The following ZNF804B variants were observed in gnomAD, a reference collection of about 807,000 sequenced individuals.
ZNF804B encodes the protein zinc finger 804B.
A neutral mutation model predicts 101.4 loss-of-function variants in ZNF804B; 80 were observed. That is an observed-to-expected ratio of 0.79 (90% CI 0.66 to 0.95). The LOEUF is 0.95. ZNF804B is among the 40% of genes least tolerant of loss of function. The probability of loss-of-function intolerance (pLI) is 0.00; values close to 1 mark genes in which losing one functional copy is unlikely to be tolerated. For synonymous variants in ZNF804B, 622 were observed against 558.8 expected (o/e 1.11, Z -1.59); for missense variants, 1,673 against 1,561.9 (o/e 1.07, Z -1.20).
At chr7:89,270,195 T>C (rs1265283541) in intron 2 of ZNF804B, among the ~76,000 whole-genome samples, 2 of 152,216 alleles carry the variant, frequency 1.3e-5, no homozygotes, top group African/African-American at 2.4e-5. Context: ...TGTATGGTTT[T>C]AGGTCTAAAC....
intron 1 of ZNF804B, among the ~76,000 whole-genome samples, chr7:88,782,066 T>C (rs1188541926): frequency 6.6e-6 from 1 of 151,730 alleles, no homozygotes; most frequent in African/African-American, 2.4e-5. Flanking sequence ...CTACACCAAT[T>C]TGTAAGTAGT....
At chr7:88,793,358 A>G (rs916732358) in intron 1 of ZNF804B, among the ~76,000 whole-genome samples, 5 of 152,146 alleles carry the variant, frequency 3.3e-5, no homozygotes, top group Non-Finnish European at 7.4e-5. Context: ...GTAAGTGTTA[A>G]TAGTGGGCAG....
At chr7:88,818,351 AATAAC>A (rs1790918140) in intron 1 of ZNF804B, among the ~76,000 whole-genome samples, 1 of 152,184 alleles carries the variant, frequency 6.6e-6, no homozygotes, top group Non-Finnish European at 1.5e-5. Context: ...TAATTAAATA[AATAAC>A]ATATAGCCAA....
chr7:89,321,086 A>G (rs1203566561), intron 2 of ZNF804B, among the ~76,000 whole-genome samples: 1 of 152,228 alleles, frequency 6.6e-6, no homozygotes, highest in African/African-American at 2.4e-5. Flanking sequence ...AATGAAGTAT[A>G]TGACACCAAA....
intron 1 of ZNF804B, among the ~76,000 whole-genome samples, chr7:89,189,156 A>G (rs914608233): frequency 6.6e-6 from 1 of 152,200 alleles, no homozygotes; most frequent in Non-Finnish European, 1.5e-5. Context: ...TGCTAAATCT[A>G]TTCTGACTGT....
At chr7:89,163,284 G>C (rs1036710463) in intron 1 of ZNF804B, among the ~76,000 whole-genome samples, 1 of 152,090 alleles carries the variant, frequency 6.6e-6, no homozygotes, top group Non-Finnish European at 1.5e-5. Context: ...ACCAAAATAA[G>C]AGCTTCATGT....
At position 89,138,087 on chromosome 7, in the gene ZNF804B, T is replaced by G. The variant is rs192216816; in HGVS notation, c.109-80068T>G. 1.1e-4 allele frequency among the ~76,000 whole-genome samples: 16 copies of G among 152,224 alleles called. No individual in the cohort carries two copies. In the East Asian group the frequency reaches 2.9e-3, roughly 28 times the overall value. The stretch of plus-strand genomic sequence containing the variant: ...AAAATTGAGGTTTGGGAACCTCTGC[T>G]TAGATTTCAGAGGATGTATGGAAAC... On this transcript the variant is annotated intron_variant, in intron 1 of 3. Transcript: ENST00000333190.
chr7:88,833,036 T>C (rs1164312979), intron 1 of ZNF804B, among the ~76,000 whole-genome samples: 1 of 152,008 alleles, frequency 6.6e-6, no homozygotes, highest in Non-Finnish European at 1.5e-5. Context: ...TGCTAAAATC[T>C]GATTGTTTTT....
chr7:88,914,459 C>T (rs559711600), intron 1 of ZNF804B, among the ~76,000 whole-genome samples: 14 of 152,264 alleles, frequency 9.2e-5, no homozygotes, highest in African/African-American at 3.4e-4. Context: ...ATGAGCAACA[C>T]TTGAAGTGGA....
chr7:89,319,637 C>T (rs1350377870), intron 2 of ZNF804B, among the ~76,000 whole-genome samples: 4 of 152,106 alleles, frequency 2.6e-5, no homozygotes, highest in African/African-American at 9.7e-5. Context: ...GGACTTTTAG[C>T]AAGTACTACA....
intron 1 of ZNF804B, among the ~76,000 whole-genome samples, chr7:89,156,082 C>CTCTT (rs1790969517): frequency 1.2e-5 from 1 of 80,884 alleles, no homozygotes; most frequent in Admixed American, 1.2e-4. Flanking sequence ...CTCTCTTTCT[C>CTCTT]TCTTTCCTTT....
chr7:89,284,386 C>T (rs1375473500), intron 2 of ZNF804B, among the ~76,000 whole-genome samples: 1 of 152,142 alleles, frequency 6.6e-6, no homozygotes, highest in African/African-American at 2.4e-5. Flanking sequence ...TATGAAGTAG[C>T]ACTAGTGATG....
chr7:89,045,285 C>G (rs761963958), intron 1 of ZNF804B, among the ~76,000 whole-genome samples: 7 of 152,222 alleles, frequency 4.6e-5, no homozygotes, highest in Non-Finnish European at 7.3e-5. Context: ...AAGTCTGCTG[C>G]AGGGGCGGAA....
rs367710396 is a variant in ZNF804B at position 89,218,321 on chromosome 7, C to T, written c.249+26C>T. On this transcript the variant is annotated intron_variant, in intron 2 of 3. Coordinates refer to ENST00000333190, the MANE Select transcript of ZNF804B (RefSeq NM_181646.5). ...GTAAGGCAAAGTGGGAAAAGTCCTT[C>T]ATATTCCTGTATTTATACCTTCAGA... 24 of 1,612,546 alleles carry T rather than the reference C, an allele frequency of 1.5e-5. No homozygotes were observed. The African/African-American group carries it at 3.1e-4, about 21-fold the overall frequency.
chr7:89,312,539 G>A (rs1662703723), intron 2 of ZNF804B, among the ~76,000 whole-genome samples: 1 of 152,190 alleles, frequency 6.6e-6, no homozygotes, highest in Non-Finnish European at 1.5e-5. Flanking sequence ...TAGAGCAAGA[G>A]TCACATCAGA....
chr7:89,302,892 T>C (rs981352184), intron 2 of ZNF804B, among the ~76,000 whole-genome samples: 2 of 151,912 alleles, frequency 1.3e-5, no homozygotes, highest in Non-Finnish European at 2.9e-5. Flanking sequence ...GTTTTACCAT[T>C]GCTCACAGTC....
intron 1 of ZNF804B, among the ~76,000 whole-genome samples, chr7:89,000,234 G>A (rs2116170111): frequency 6.6e-6 from 1 of 151,998 alleles, no homozygotes; most frequent in Non-Finnish European, 1.5e-5. Context: ...TTTTCTGAAT[G>A]TAATACAAAA....
At chr7:88,927,854 T>C (rs116636989) in intron 1 of ZNF804B, among the ~76,000 whole-genome samples, 1 of 152,158 alleles carries the variant, frequency 6.6e-6, no homozygotes, top group Admixed American at 6.6e-5. Flanking sequence ...TAACATGCAC[T>C]TATGGGTTTT....
chr7:89,102,812 G>A lies in ZNF804B; in HGVS notation c.109-115343G>A, dbSNP rs903914156. On this transcript the variant is annotated intron_variant, in intron 1 of 3. Transcript: ENST00000333190. ...TTCTTCTAATATTTTTATAGTTTCAGGTCCTACATTTAGGTGTTTAATCCA... is the reference window on the plus strand; with the variant it reads ...TTCTTCTAATATTTTTATAGTTTCAAGTCCTACATTTAGGTGTTTAATCCA... Among the ~76,000 whole-genome samples, 5 of 151,746 alleles carry A rather than the reference G, an allele frequency of 3.3e-5. No homozygotes were observed. In the East Asian group the frequency reaches 9.6e-4, roughly 29 times the overall value.
Sources: gnomAD v4.1 joint callset for allele counts (sites outside exome capture counted in the v4.1 genomes callset) on GRCh38, gnomAD v4.1.1 for gene constraint, MANE v1.5 for transcripts, NCBI Gene and HGNC (gene_info 2026-07-23, HGNC 2026-07-21) for gene names.